ZNF469: variants seen among roughly 807,000 people sequenced by gnomAD.
The protein encoded by ZNF469 is zinc finger protein 469.
Under a neutral mutation model 1.0 loss-of-function variants are expected in ZNF469, and 1 was observed. That is an observed-to-expected ratio of 1.00 (90% CI 0.35 to 4.73). The LOEUF is 4.73. Among genes scored for constraint, ZNF469 ranks in the 30% most tolerant of loss-of-function variants. ZNF469 has a pLI of 0.16. For synonymous variants in ZNF469, 2,703 were observed against 2,363.4 expected (o/e 1.14, Z -4.17); for missense variants, 6,100 against 5,356.3 (o/e 1.14, Z -4.33).
chr16:88,361,535 G>C, the ZNF469 span, among the ~76,000 whole-genome samples: 1 of 152,126 alleles, frequency 6.6e-6, no homozygotes, highest in East Asian at 1.9e-4. Flanking sequence ...CCTTTGTGAA[G>C]GTCTCTTTAA....
At chr16:88,280,255 T>C in the ZNF469 span, among the ~76,000 whole-genome samples, 1 of 151,612 alleles carries the variant, frequency 6.6e-6, no homozygotes, top group African/African-American at 2.4e-5. Context: ...GTCAGTACTG[T>C]GTAGATATCA....
At chr16:88,198,836 T>A in the ZNF469 span, among the ~76,000 whole-genome samples, 1 of 152,212 alleles carries the variant, frequency 6.6e-6, no homozygotes. Flanking sequence ...GCCGGGACGT[T>A]GCAAGGCACA....
Position 88,433,742 on chromosome 16 carries a change from G to A in ZNF469, c.6272G>A (p.Gly2091Asp). 1.3e-6 allele frequency: 2 copies of A among 1,548,864 alleles called. No homozygotes were observed. Among genetic ancestry groups the A allele is most frequent in the Non-Finnish European group, 1.7e-6 (2 of 1,146,852 alleles). ...ACTCCAGAGAGGGCGTCCAGCCCCG[G>A]CCTGAACAAGCCACTGCTGGCCACA... The part of the protein sequence containing the change: ...GRTPERASSP[G>D]LNKPLLATGD... Residue 2091 changes from glycine (G) to aspartate (D), a missense_variant, in exon 3 of 3, where the codon GGC (glycine) becomes GAC (aspartate). Gly to Asp is a moderately conservative substitution (Grantham distance 94). Coordinates refer to ENST00000565624, the MANE Select transcript of ZNF469 (RefSeq NM_001367624.2).
At chr16:88,134,302 G>A in the ZNF469 span, among the ~76,000 whole-genome samples, 10 of 152,286 alleles carry the variant, frequency 6.6e-5, no homozygotes, top group Non-Finnish European at 1.5e-5. Flanking sequence ...ATGGCTGCAC[G>A]GTGCACTGTT....
the ZNF469 span, among the ~76,000 whole-genome samples, chr16:88,144,639 G>A: frequency 9.2e-5 from 14 of 152,278 alleles, no homozygotes; most frequent in East Asian, 5.8e-4. Context: ...TCTTTAAGAC[G>A]TATGTTCTCT....
At chr16:88,229,660 G>C in the ZNF469 span, among the ~76,000 whole-genome samples, 1 of 25,996 alleles carries the variant, frequency 3.8e-5, no homozygotes, top group African/African-American at 6.2e-5. Flanking sequence ...TGTCACGCGT[G>C]TGGATGTCGC....
chr16:88,413,197 G>T (rs1029437236), intron 1 of ZNF469, among the ~76,000 whole-genome samples: 5 of 152,262 alleles, frequency 3.3e-5, no homozygotes, highest in African/African-American at 1.2e-4. Context: ...GGGACAAACA[G>T]CTGCCATCCC....
chr16:88,222,832 C>A, the ZNF469 span, among the ~76,000 whole-genome samples: 1 of 151,828 alleles, frequency 6.6e-6, no homozygotes, highest in Non-Finnish European at 1.5e-5. Flanking sequence ...CTCCTGGCCT[C>A]AAACGATCCT....
chr16:88,370,563 C>T, the ZNF469 span, among the ~76,000 whole-genome samples: 7 of 152,146 alleles, frequency 4.6e-5, no homozygotes, highest in Admixed American at 3.3e-4. Flanking sequence ...CGGGGTTAGA[C>T]GTTCCGTGTG....
Position 88,436,847 on chromosome 16 carries a change from G to A in ZNF469, c.9377G>A (p.Ser3126Asn), listed in dbSNP as rs1464513428. Residue 3126 changes from serine to asparagine, a missense_variant, in exon 3 of 3, where the codon AGC becomes AAC. Coordinates refer to ENST00000565624, the MANE Select transcript of ZNF469 (RefSeq NM_001367624.2). The part of the protein sequence containing the change: ...KCKVCFQRFR[S>N]LGELDLHKLA... Reference sequence around the variant, plus strand: ...AAAGTGTGCTTCCAGCGCTTCCGCAGCCTGGGCGAGCTGGACCTGCACAAG... The same window carrying A: ...AAAGTGTGCTTCCAGCGCTTCCGCAACCTGGGCGAGCTGGACCTGCACAAG... 4 of 1,531,776 alleles carry A rather than the reference G, an allele frequency of 2.6e-6. No homozygotes were observed. Among genetic ancestry groups the A allele is most frequent in the Non-Finnish European group, 3.5e-6 (4 of 1,143,150 alleles). The allele number at this position is 1,531,776 out of a possible 1,614,324, so 94.9% of individuals were successfully genotyped here.
chr16:88,104,494 C>T, the ZNF469 span, among the ~76,000 whole-genome samples: 1,745 of 152,290 alleles, frequency 0.011, 39 homozygotes, highest in African/African-American at 0.04. Context: ...GTTAAGTCCC[C>T]AGCCTCTCGC....
chr16:88,365,689 G>A, the ZNF469 span, among the ~76,000 whole-genome samples: 1 of 152,202 alleles, frequency 6.6e-6, no homozygotes, highest in Non-Finnish European at 1.5e-5. Context: ...ACCAGGAGCG[G>A]GTCCACTCCA....
the ZNF469 span, among the ~76,000 whole-genome samples, chr16:88,322,562 G>A: frequency 6.6e-6 from 1 of 152,228 alleles, no homozygotes; most frequent in African/African-American, 2.4e-5. Flanking sequence ...CGGCAAGTCC[G>A]GTGATGCTGG....
chr16:88,233,330 G>A, the ZNF469 span, among the ~76,000 whole-genome samples: 2 of 152,238 alleles, frequency 1.3e-5, no homozygotes, highest in African/African-American at 4.8e-5. Flanking sequence ...CACTGGGGCA[G>A]CCCCACCATG....
intron 1 of ZNF469, among the ~76,000 whole-genome samples, 180 bp downstream of exon 1, chr16:88,383,434 C>T (rs1388183729): frequency 1.3e-5 from 2 of 148,340 alleles, no homozygotes; most frequent in Non-Finnish European, 3.0e-5. Context: ...CGGCCCGGCT[C>T]CCCCGACCTC....
intron 1 of ZNF469, among the ~76,000 whole-genome samples, chr16:88,394,378 G>A (rs906755630): frequency 6.6e-6 from 1 of 151,834 alleles, no homozygotes; most frequent in Non-Finnish European, 1.5e-5. Context: ...TGAGAAAAGA[G>A]GTGAAATGAA....
rs371739743 is a variant in ZNF469, at chr16:88,434,209, G to A, written c.6739G>A (p.Asp2247Asn). 1.9e-6 allele frequency: 3 copies of A among 1,550,382 alleles called. No individual in the cohort carries two copies. The highest frequency in any genetic ancestry group is 1.7e-4 in the Middle Eastern group (1 of 5,992). The change falls in exon 3 of 3, where the codon GAC becomes AAC. Residue 2247 changes from aspartate to asparagine, a missense_variant. Physicochemically the swap from Asp to Asn is conservative, Grantham distance 23. Coordinates refer to ENST00000565624, the MANE Select transcript of ZNF469 (RefSeq NM_001367624.2). ...TCTHSGDTPK[D>N]STLRIPEDSR... ...CACTCACAGTGGGGACACCCCCAAA[G>A]ACAGCACTTTAAGAATTCCAGAGGA... is the stretch of plus-strand genomic sequence containing the variant.
At chr16:88,165,781 C>T in the ZNF469 span, among the ~76,000 whole-genome samples, 1 of 152,172 alleles carries the variant, frequency 6.6e-6, no homozygotes, top group Admixed American at 6.5e-5. Context: ...CGACTCCCCG[C>T]TTTCCCTGCC....
At chr16:88,105,876 C>T in the ZNF469 span, among the ~76,000 whole-genome samples, 2 of 152,188 alleles carry the variant, frequency 1.3e-5, no homozygotes, top group Admixed American at 1.3e-4. Flanking sequence ...TCAGGGTGGC[C>T]ACACCCAGGA....
Sources: allele counts gnomAD v4.1 joint callset (sites outside exome capture counted in the v4.1 genomes callset), GRCh38; gene constraint gnomAD v4.1.1; transcripts MANE v1.5; gene names NCBI Gene and HGNC (gene_info 2026-07-23, HGNC 2026-07-21).